APBB2: variants seen among roughly 807,000 people sequenced by gnomAD.
APBB2 encodes the protein Fe65-like 1.
In APBB2, 38 loss-of-function variants were observed where a neutral mutation model predicts 82.5. That is an observed-to-expected ratio of 0.46 (90% CI 0.36 to 0.60). The LOEUF is 0.60. APBB2 is among the 20% of genes least tolerant of loss of function. APBB2 has a pLI of 0.00. For synonymous variants in APBB2, 341 were observed against 368.2 expected (o/e 0.93, Z 0.85); for missense variants, 772 against 972.3 (o/e 0.79, Z 2.74).
At position 40,893,359 on chromosome 4, in the gene APBB2, G is replaced by T; in HGVS notation, c.1307C>A (p.Ala436Asp). ...GACCGCAACACTACTTTTACCGGGG[G>T]CGAGGTCCTCTTCTGCCATCTCTAC... ...GWVEMAEEDL[A>D]PGKSSVAVNN... The change falls in exon 11 of 18, where the codon GCC (alanine) becomes GAC (aspartate). Residue 436 changes from alanine to aspartate, a missense_variant. Transcript: ENST00000508593. 1 of 1,613,598 alleles carries T rather than the reference G, an allele frequency of 6.2e-7. No individual in the cohort carries two copies. The highest frequency in any genetic ancestry group is 1.7e-4 in the Middle Eastern group (1 of 6,060).
chr4:40,918,752 T>C (rs1296647530), intron 10 of APBB2, among the ~76,000 whole-genome samples: 1 of 143,166 alleles, frequency 7.0e-6, no homozygotes, highest in African/African-American at 2.8e-5. Flanking sequence ...TTCCTTATTT[T>C]TTCTCTGTTT....
chr4:40,960,215 G>A (rs898671007), intron 6 of APBB2, among the ~76,000 whole-genome samples: 3 of 151,882 alleles, frequency 2.0e-5, no homozygotes, highest in Non-Finnish European at 4.4e-5. Context: ...TACTTAAAGG[G>A]ATCAGAGTAA....
At chr4:41,213,735 G>C (rs1779910790) in intron 1 of APBB2, among the ~76,000 whole-genome samples, 1 of 152,204 alleles carries the variant, frequency 6.6e-6, no homozygotes, top group African/African-American at 2.4e-5. Flanking sequence ...CCAGTGGCCA[G>C]TTTCCTGGAG....
chr4:41,120,059 G>A (rs571510008), intron 2 of APBB2, among the ~76,000 whole-genome samples: 1 of 152,208 alleles, frequency 6.6e-6, no homozygotes, highest in East Asian at 1.9e-4. Context: ...GAAAACGGAG[G>A]CTTACGAGTT....
At chr4:41,113,452 C>T (rs1298158061) in intron 2 of APBB2, among the ~76,000 whole-genome samples, 1 of 152,094 alleles carries the variant, frequency 6.6e-6, no homozygotes, top group African/African-American at 2.4e-5. Context: ...AATTGTCACT[C>T]ATCTAGTCAA....
chr4:41,069,014 T>C (rs978733419), intron 3 of APBB2, among the ~76,000 whole-genome samples: 6 of 152,096 alleles, frequency 3.9e-5, no homozygotes, highest in Non-Finnish European at 8.8e-5. Context: ...CAGGATGGTC[T>C]CGATCTCTTG....
chr4:40,948,586 T>C (rs1428636374), intron 6 of APBB2, among the ~76,000 whole-genome samples: 5 of 151,296 alleles, frequency 3.3e-5, no homozygotes, highest in African/African-American at 4.9e-5. Flanking sequence ...CATGGTGAAA[T>C]CCTGTCTCTA....
chr4:40,927,896 G>A (rs554616085), intron 10 of APBB2, among the ~76,000 whole-genome samples: 128 of 152,268 alleles, frequency 8.4e-4, no homozygotes, highest in African/African-American at 2.9e-3. Context: ...CTGACAAAAC[G>A]GTATATATAT....
chr4:40,821,760 C>G, intron 17 of APBB2, 111 bp downstream of exon 17: 1 of 1,266,826 alleles, frequency 7.9e-7, no homozygotes, highest in South Asian at 1.4e-5. Flanking sequence ...TAAAGCATTA[C>G]TTTAGGGATT....
At chr4:40,837,656 T>TGG (rs1324364047) in intron 12 of APBB2, among the ~76,000 whole-genome samples, 2 of 152,218 alleles carry the variant, frequency 1.3e-5, no homozygotes, top group African/African-American at 4.8e-5. Context: ...GCTCATGCCA[T>TGG]ACCCTAGCCA....
intron 4 of APBB2, among the ~76,000 whole-genome samples, chr4:41,062,421 C>A (rs11932202): frequency 0.18 from 27,714 of 151,766 alleles, 2,883 homozygotes; most frequent in Non-Finnish European, 0.24. Flanking sequence ...TCCGGTGATC[C>A]GCCCACCTTG....
At chr4:40,889,209 T>G (rs1339318677) in intron 12 of APBB2, among the ~76,000 whole-genome samples, 2 of 152,262 alleles carry the variant, frequency 1.3e-5, no homozygotes, top group African/African-American at 4.8e-5. Context: ...TTCAGCTCTC[T>G]CCTTTGCAGA....
At chr4:41,190,079 G>A (rs563750536) in intron 1 of APBB2, among the ~76,000 whole-genome samples, 7 of 150,848 alleles carry the variant, frequency 4.6e-5, no homozygotes, top group Non-Finnish European at 8.8e-5. Context: ...AATCTTACAC[G>A]TGCTATTATT....
At chr4:41,006,961 G>C (rs1182813637) in intron 6 of APBB2, among the ~76,000 whole-genome samples, 1 of 152,152 alleles carries the variant, frequency 6.6e-6, no homozygotes, top group East Asian at 1.9e-4. Flanking sequence ...ACATAATTAG[G>C]TTTGTGACTC....
At chr4:41,165,763 A>G (rs1443713950) in intron 1 of APBB2, among the ~76,000 whole-genome samples, 1 of 152,122 alleles carries the variant, frequency 6.6e-6, no homozygotes, top group Non-Finnish European at 1.5e-5. Context: ...AGGTACCAGC[A>G]GTCACCAGCT....
At chr4:41,193,853 C>T in intron 1 of APBB2, 1 of 152,126 alleles carries the variant, frequency 6.6e-6, no homozygotes, top group Non-Finnish European at 1.5e-5. Context: ...GTAAAAATAA[C>T]TGCAATAATG....
intron 7 of APBB2, among the ~76,000 whole-genome samples, chr4:40,939,162 A>G (rs931372517): frequency 6.6e-6 from 1 of 152,224 alleles, no homozygotes; most frequent in Non-Finnish European, 1.5e-5. Flanking sequence ...CCTTATCTTT[A>G]TAAATTACCC....
At chr4:41,172,509 AATG>A in intron 1 of APBB2, among the ~76,000 whole-genome samples, 1 of 152,294 alleles carries the variant, frequency 6.6e-6, no homozygotes, top group Non-Finnish European at 1.5e-5. Context: ...CACCATTTCA[AATG>A]ATGATTTGTT....
rs182757737 is a variant in APBB2 at position 40,888,772 on chromosome 4, C to T, written c.1529+1592G>A. ...CACATATGTAGTGTCACAAGCTCCA[C>T]ACTTTGGCCCCTGCCTCGCACACGT... On this transcript the variant is annotated intron_variant, in intron 12 of 17. Transcript: ENST00000508593. 3.0e-3 allele frequency among the ~76,000 whole-genome samples: 452 copies of T among 151,840 alleles called. 7 individuals carry two copies. The highest frequency in any genetic ancestry group is 4.1e-3 in the Non-Finnish European group (280 of 67,746).
Sources: gnomAD v4.1 joint callset for allele counts (sites outside exome capture counted in the v4.1 genomes callset) on GRCh38, gnomAD v4.1.1 for gene constraint, MANE v1.5 for transcripts, NCBI Gene and HGNC (gene_info 2026-07-23, HGNC 2026-07-21) for gene names.